The following GALNT1 variants were observed in gnomAD, a reference collection of about 807,000 sequenced individuals.
GALNT1 encodes the protein polypeptide N-acetylgalactosaminyltransferase 1.
Under a neutral mutation model 65.7 loss-of-function variants are expected in GALNT1, and 17 were observed. The ratio of observed to expected loss-of-function variants is 0.26; its 90% CI spans 0.18 to 0.39. GALNT1 has a LOEUF of 0.39. Among genes scored for constraint, GALNT1 ranks in the 10% least tolerant of loss-of-function variants. GALNT1 has a pLI of 1.00. For missense variants in GALNT1, 460 were observed against 672.8 expected (o/e 0.68, Z 3.50); for synonymous variants, 210 against 219.7 (o/e 0.96, Z 0.39).
chr18:35,679,625 A>G (rs2047759571), intron 4 of GALNT1, among the ~76,000 whole-genome samples: 1 of 152,168 alleles, frequency 6.6e-6, no homozygotes, highest in Non-Finnish European at 1.5e-5. Context: ...GTCCCTGCTC[A>G]GGGGTCTGAT....
intron 1 of GALNT1, among the ~76,000 whole-genome samples, chr18:35,618,871 C>G (rs958510953): frequency 1.3e-5 from 2 of 152,094 alleles, no homozygotes; most frequent in African/African-American, 4.8e-5. Flanking sequence ...CAGAAGCAGC[C>G]TGAGACTACA....
intron 1 of GALNT1, among the ~76,000 whole-genome samples, chr18:35,619,408 T>TA (rs113164739): frequency 5.9e-5 from 9 of 151,964 alleles, no homozygotes; most frequent in South Asian, 2.1e-4. Flanking sequence ...CTTACAAATG[T>TA]AAAAAAAAGA....
chr18:35,621,628 A>G (rs1367319787), intron 1 of GALNT1, among the ~76,000 whole-genome samples: 2 of 152,086 alleles, frequency 1.3e-5, no homozygotes, highest in African/African-American at 4.8e-5. Flanking sequence ...AAAAATTTTA[A>G]TTTTTATGTA....
intron 4 of GALNT1, among the ~76,000 whole-genome samples, 171 bp from the exon 5 acceptor site, chr18:35,683,220 C>A (rs1292153717): frequency 1.3e-5 from 2 of 152,172 alleles, no homozygotes; most frequent in Non-Finnish European, 2.9e-5. Flanking sequence ...GTAGTCCATT[C>A]TCTTGGGGAA....
intron 1 of GALNT1, among the ~76,000 whole-genome samples, chr18:35,607,096 A>G (rs2046659687): frequency 1.3e-5 from 2 of 152,100 alleles, no homozygotes; most frequent in Admixed American, 1.3e-4. Flanking sequence ...TGAAAAGATA[A>G]GTAGGCTGGC....
intron 1 of GALNT1, among the ~76,000 whole-genome samples, chr18:35,589,413 A>T (rs1330879674): frequency 6.6e-6 from 1 of 152,020 alleles, no homozygotes; most frequent in African/African-American, 2.4e-5. Context: ...TTTTTCTGTG[A>T]TGTTTGTCTG....
chr18:35,637,902 T>TA (rs1473355184), intron 1 of GALNT1, among the ~76,000 whole-genome samples: 1 of 152,200 alleles, frequency 6.6e-6, no homozygotes, highest in Non-Finnish European at 1.5e-5. Flanking sequence ...CCTTAAGAAT[T>TA]ACACTAAATC....
chr18:35,634,061 A>C (rs955958679), intron 1 of GALNT1, among the ~76,000 whole-genome samples: 1 of 152,220 alleles, frequency 6.6e-6, no homozygotes, highest in Admixed American at 6.5e-5. Context: ...GTAAGTATAC[A>C]TGAGAAAGGC....
At chr18:35,679,835 T>C (rs1045223969) in intron 4 of GALNT1, among the ~76,000 whole-genome samples, 4 of 152,190 alleles carry the variant, frequency 2.6e-5, no homozygotes, top group Non-Finnish European at 4.4e-5. Flanking sequence ...GCTGTTTGCT[T>C]TTATGTAACT....
rs1166516418 is a variant in GALNT1 at position 35,708,122 on chromosome 18, C to T, written c.1534-1502C>T. 2.0e-5 allele frequency among the ~76,000 whole-genome samples: 3 copies of T among 152,042 alleles called. No individual in the cohort carries two copies. The South Asian group carries it at 6.2e-4, about 32-fold the overall frequency. ...TTTTATAGATGAGGAAACTGGGTCTCAAAGAGTTTAGGTTTTTGCTCAGAA... is the reference window on the plus strand; with the variant it reads ...TTTTATAGATGAGGAAACTGGGTCTTAAAGAGTTTAGGTTTTTGCTCAGAA... On this transcript the variant is annotated intron_variant, in intron 11 of 11. Transcript: ENST00000269195.
chr18:35,677,828 A>C (rs2047732134), intron 4 of GALNT1, 71 bp downstream of exon 4: 1 of 1,110,556 alleles, frequency 9.0e-7, no homozygotes, highest in Non-Finnish European at 1.2e-6. Context: ...TAGTTGCTAT[A>C]ATTTTTAACC....
intron 1 of GALNT1, among the ~76,000 whole-genome samples, chr18:35,645,340 C>T (rs988286619): frequency 4.7e-5 from 7 of 149,128 alleles, no homozygotes; most frequent in Middle Eastern, 3.6e-3. Flanking sequence ...CACCATTCTC[C>T]TGCCTCAGCC....
intron 1 of GALNT1, among the ~76,000 whole-genome samples, chr18:35,645,048 C>G (rs1420466683): frequency 6.6e-6 from 1 of 151,810 alleles, no homozygotes; most frequent in Non-Finnish European, 1.5e-5. Flanking sequence ...CCCAAAGCCT[C>G]ATTTGGGTTT....
At chr18:35,642,709 G>A (rs543990324) in intron 1 of GALNT1, among the ~76,000 whole-genome samples, 1 of 149,160 alleles carries the variant, frequency 6.7e-6, no homozygotes, top group African/African-American at 2.5e-5. Flanking sequence ...CAGAGTGGAA[G>A]CTCATCAGCA....
chr18:35,657,402 G>T (rs1043944450), intron 2 of GALNT1, among the ~76,000 whole-genome samples: 1 of 152,136 alleles, frequency 6.6e-6, no homozygotes, highest in Admixed American at 6.5e-5. Flanking sequence ...CCTGAGTTTG[G>T]AATATTTAAC....
At chr18:35,696,101 T>C (rs575698736) in intron 9 of GALNT1, among the ~76,000 whole-genome samples, 11 of 152,320 alleles carry the variant, frequency 7.2e-5, no homozygotes, top group Non-Finnish European at 1.0e-4. Context: ...CTGCTTGTTA[T>C]CGCCTTATTA....
At chr18:35,702,305 A>AT (rs1184729668) in intron 9 of GALNT1, among the ~76,000 whole-genome samples, 10 of 152,226 alleles carry the variant, frequency 6.6e-5, no homozygotes, top group African/African-American at 2.4e-4. Context: ...ACATCTGTTA[A>AT]TTTACCATAT....
chr18:35,659,008 C>A (rs1481460180), intron 2 of GALNT1, among the ~76,000 whole-genome samples: 1 of 152,146 alleles, frequency 6.6e-6, no homozygotes, highest in Non-Finnish European at 1.5e-5. Flanking sequence ...CTGTGCCTGG[C>A]ATCAAAGTCT....
At chr18:35,709,344 G>A (rs1197542102) in intron 11 of GALNT1, among the ~76,000 whole-genome samples, 1 of 151,864 alleles carries the variant, frequency 6.6e-6, no homozygotes, top group Non-Finnish European at 1.5e-5. Flanking sequence ...TTAGAATTTA[G>A]GTCATCTTGC....
Sources: allele counts gnomAD v4.1 joint callset (sites outside exome capture counted in the v4.1 genomes callset), GRCh38; gene constraint gnomAD v4.1.1; transcripts MANE v1.5; gene names NCBI Gene and HGNC (gene_info 2026-07-23, HGNC 2026-07-21).